Variants in CEP44 observed in about 807,000 individuals in gnomAD.
CEP44 encodes centrosomal protein of 44 kDa.
Under a neutral mutation model 46.7 loss-of-function variants are expected in CEP44, and 45 were observed. The observed-to-expected ratio is 0.96, with a 90% CI of 0.76 to 1.24. The LOEUF is 1.24. Ranked by LOEUF, CEP44 falls within the 50% of genes most tolerant of loss-of-function variation. The pLI, the probability that CEP44 is intolerant of heterozygous loss-of-function variation, is 0.00. For missense variants in CEP44, 475 were observed against 459.7 expected (o/e 1.03, Z -0.30); for synonymous variants, 142 against 146.0 (o/e 0.97, Z 0.20).
rs116152474 is a variant in CEP44, at chr4:174,316,418, G to T, written c.1087-112G>T. 7 of 1,359,628 alleles carry T rather than the reference G, an allele frequency of 5.1e-6. No homozygotes were observed. The African/African-American group carries it at 1.0e-4, about 20-fold the overall frequency. 84.2% of individuals were successfully genotyped at this position (1,359,628 alleles called of 1,614,324 possible). On this transcript the variant is annotated intron_variant, in intron 10 of 11. Coordinates refer to ENST00000503780, the MANE Select transcript of CEP44 (RefSeq NM_001040157.3). ...TTAGTCTCTCAAAATTCTTTCATAAGTAAACAGTACTTAATGCAATGTTTC... is the reference window on the plus strand; with the variant it reads ...TTAGTCTCTCAAAATTCTTTCATAATTAAACAGTACTTAATGCAATGTTTC...
At chr4:174,316,430 T>A in intron 10 of CEP44, 100 bp from the exon 11 acceptor site, 1 of 1,349,566 alleles carries the variant, frequency 7.4e-7, no homozygotes, top group Non-Finnish European at 1.0e-6. Flanking sequence ...AAACAGTACT[T>A]AATGCAATGT....
chr4:174,327,581 T>G (rs528567080), intron 8 of CEP44, among the ~76,000 whole-genome samples: 1 of 152,202 alleles, frequency 6.6e-6, no homozygotes, highest in South Asian at 2.1e-4. Context: ...ATTAAATTTT[T>G]TATAGCAATT....
downstream of CEP44, among the ~76,000 whole-genome samples, chr4:174,325,311 A>C (rs1439645111): frequency 1.3e-5 from 2 of 152,242 alleles, no homozygotes; most frequent in African/African-American, 4.8e-5. This position sits in a 1 kb window ranked among gnomAD's most constrained non-coding sequence, Gnocchi z 4.4. Flanking sequence ...TTTAAGGAGC[A>C]GAAGTTTTAA....
rs1206563182 is a variant in CEP44, at chr4:174,301,732, T to G, written c.90-307T>G. On this transcript the variant is annotated intron_variant, in intron 3 of 11. Transcript: ENST00000503780. The surrounding 1 kb of genome is among the most constrained non-coding windows in gnomAD (Gnocchi z 4.3). ...TTGTAAGATGGTACATTGCTTTTAT[T>G]AGTAGTAGAAAATGGAGTAGATCAC... Among the ~76,000 whole-genome samples the G allele has an allele frequency of 6.6e-6, 1 of 152,156 alleles. No homozygotes were observed. Among genetic ancestry groups the G allele is most frequent in the Admixed American group, 6.5e-5 (1 of 15,284 alleles).
At chr4:174,330,376 C>G (rs1196018224) in intron 8 of CEP44, among the ~76,000 whole-genome samples, 2 of 151,894 alleles carry the variant, frequency 1.3e-5, no homozygotes, top group Admixed American at 1.3e-4. Flanking sequence ...GTAATCCCAG[C>G]TACTAGTGGG....
Position 174,287,083 on chromosome 4 carries a change from G to T in CEP44, c.-148+3140G>T, listed in dbSNP as rs1017150294. On this transcript the variant is annotated intron_variant, in intron 1 of 11. Coordinates refer to ENST00000503780, the MANE Select transcript of CEP44 (RefSeq NM_001040157.3). This position sits in a 1 kb window ranked among gnomAD's most constrained non-coding sequence, Gnocchi z 5.1. ...AGTGCAAAACATCTTGACTGACAAT[G>T]GTGGTGGCTTATTAAAGTGAAGAAT... Among the ~76,000 whole-genome samples, 1 of 152,188 alleles carries T rather than the reference G, an allele frequency of 6.6e-6. No individual in the cohort carries two copies. The highest frequency in any genetic ancestry group is 6.5e-5 in the Admixed American group (1 of 15,288).
In CEP44 at chr4:174,316,694, T is replaced by A. The variant is rs1741763220; in HGVS notation, c.1124+127T>A. 6 of 770,838 alleles carry A rather than the reference T, an allele frequency of 7.8e-6. No individual in the cohort carries two copies. In the Middle Eastern group the frequency reaches 7.4e-4, roughly 94 times the overall value. The allele number at this position is 770,838 out of a possible 1,614,324, so 47.7% of individuals were successfully genotyped here. Reference sequence around the variant, plus strand: ...TCTCTCAATCAGGTGTGGAATTTCCTTCAGGACTCCACTGGATAATAAATC... The same window carrying A: ...TCTCTCAATCAGGTGTGGAATTTCCATCAGGACTCCACTGGATAATAAATC... On this transcript the variant is annotated intron_variant, in intron 11 of 11. Coordinates refer to ENST00000503780, the MANE Select transcript of CEP44 (RefSeq NM_001040157.3).
chr4:174,296,148 C>T (rs959852446), intron 1 of CEP44, among the ~76,000 whole-genome samples: 9 of 152,176 alleles, frequency 5.9e-5, no homozygotes, highest in African/African-American at 2.2e-4. Context: ...TCTAACATTG[C>T]TATTGAAAGT....
chr4:174,333,243 T>C (rs1731396013), exon 9 of CEP44: 1 of 149,836 alleles, frequency 6.7e-6, no homozygotes, highest in African/African-American at 2.5e-5. Flanking sequence ...AATTTTTCTT[T>C]ATATGATTCA....
At chr4:174,330,430 A>G (rs1731257785) in intron 8 of CEP44, among the ~76,000 whole-genome samples, 1 of 151,874 alleles carries the variant, frequency 6.6e-6, no homozygotes, top group African/African-American at 2.4e-5. Flanking sequence ...TGGAGGTTGC[A>G]GTGAGCCGAG....
In CEP44 at chr4:174,287,844, G is replaced by A. The variant is rs1737738958; in HGVS notation, c.-148+3901G>A. Among the ~76,000 whole-genome samples the A allele has an allele frequency of 6.6e-6, 1 of 152,156 alleles. No individual in the cohort carries two copies. Among genetic ancestry groups the A allele is most frequent in the Non-Finnish European group, 1.5e-5 (1 of 68,014 alleles). On this transcript the variant is annotated intron_variant, in intron 1 of 11. Coordinates refer to ENST00000503780, the MANE Select transcript of CEP44 (RefSeq NM_001040157.3). This position sits in a 1 kb window ranked among gnomAD's most constrained non-coding sequence, Gnocchi z 5.1. ...TCATGGTAAGAAAGAAAATGAATTAGGTAGAGCTAGTAATACCAGGTATAG... is the reference window on the plus strand; with the variant it reads ...TCATGGTAAGAAAGAAAATGAATTAAGTAGAGCTAGTAATACCAGGTATAG...
Position 174,309,762 on chromosome 4 carries a change from G to A in CEP44, c.679-88G>A, listed in dbSNP as rs1228429371. On this transcript the variant is annotated intron_variant, in intron 7 of 11. Coordinates refer to ENST00000503780, the MANE Select transcript of CEP44 (RefSeq NM_001040157.3). The surrounding 1 kb of genome is among the most constrained non-coding windows in gnomAD (Gnocchi z 5.3). ...AGCAGGACGGTCTCTCCTAACTGTT[G>A]AGATAACGCTGTGGAAGTGAGAATA... is the stretch of plus-strand genomic sequence containing the variant. 6.7e-6 allele frequency: 6 copies of A among 901,922 alleles called. No homozygotes were observed. Among genetic ancestry groups the A allele is most frequent in the Non-Finnish European group, 1.0e-5 (6 of 590,218 alleles). The allele number at this position is 901,922 out of a possible 1,614,324, so 55.9% of individuals were successfully genotyped here.
rs914256568 is a variant in CEP44 at position 174,314,552 on chromosome 4, G to A, written c.962-1614G>A. Among the ~76,000 whole-genome samples the A allele has an allele frequency of 8.5e-5, 13 of 152,096 alleles. No homozygotes were observed. Among genetic ancestry groups the A allele is most frequent in the Non-Finnish European group, 1.5e-4 (10 of 68,022 alleles). On this transcript the variant is annotated intron_variant, in intron 9 of 11. Coordinates refer to ENST00000503780, the MANE Select transcript of CEP44 (RefSeq NM_001040157.3). This position sits in a 1 kb window ranked among gnomAD's most constrained non-coding sequence, Gnocchi z 4.1. ...ACACTCTTGAATAAGGTTAGACACC[G>A]CAAAGTCTGGACCCCAAAATGGAAG...
At position 174,309,789 on chromosome 4, in the gene CEP44, A is replaced by G. The variant is rs1740859748; in HGVS notation, c.679-61A>G. ...GATAACGCTGTGGAAGTGAGAATAC[A>G]TTAATTTTAAAGAAATTTCAGTTTG... On this transcript the variant is annotated intron_variant, in intron 7 of 11. Coordinates refer to ENST00000503780, the MANE Select transcript of CEP44 (RefSeq NM_001040157.3). The surrounding 1 kb of genome is among the most constrained non-coding windows in gnomAD (Gnocchi z 5.3). 8.6e-7 allele frequency: 1 copy of G among 1,166,116 alleles called. No individual in the cohort carries two copies. Among genetic ancestry groups the G allele is most frequent in the Non-Finnish European group, 1.2e-6 (1 of 810,646 alleles). 72.2% of individuals were successfully genotyped at this position (1,166,116 alleles called of 1,614,324 possible).
chr4:174,304,394 A>G, intron 6 of CEP44, 25 bp downstream of exon 6: 2 of 1,600,310 alleles, frequency 1.2e-6, no homozygotes, highest in Admixed American at 1.8e-5. Context: ...AGAAAATATC[A>G]TATTGTTTAA....
At position 174,295,563 on chromosome 4, in the gene CEP44, G is replaced by A. The variant is rs551509864; in HGVS notation, c.-147-2403G>A. Among the ~76,000 whole-genome samples the A allele has an allele frequency of 1.5e-4, 23 of 149,748 alleles. 1 individual carries two copies. The highest frequency in any genetic ancestry group is 4.3e-4 in the South Asian group (2 of 4,634). On this transcript the variant is annotated intron_variant, in intron 1 of 11. Coordinates refer to ENST00000503780, the MANE Select transcript of CEP44 (RefSeq NM_001040157.3). ...AGACGATGGGCGGCCAGGCAGAGAC[G>A]CTCCTCACTTCCCAGACGGGGTGGC...
At chr4:174,321,608 A>G (rs1459235299), downstream of CEP44, among the ~76,000 whole-genome samples, 1 of 152,116 alleles carries the variant, frequency 6.6e-6, no homozygotes, top group South Asian at 2.1e-4. Flanking sequence ...TATGTTGCCC[A>G]AAGTACAACA....
At chr4:174,299,284 C>A in intron 3 of CEP44, 74 bp downstream of exon 3, 2 of 1,216,116 alleles carry the variant, frequency 1.6e-6, no homozygotes, top group Non-Finnish European at 2.3e-6. Flanking sequence ...TGGGGGACTA[C>A]CTGAGAAAAA....
chr4:174,314,923 T>C lies in CEP44; in HGVS notation c.962-1243T>C, dbSNP rs1314009084. On this transcript the variant is annotated intron_variant, in intron 9 of 11. Transcript: ENST00000503780. The surrounding 1 kb of genome is among the most constrained non-coding windows in gnomAD (Gnocchi z 4.1). ...AAGTGTGATGAGTCAAATTACATTCTCTCTCTTAGCATTTGGAATTAGGAC... is the reference window on the plus strand; with the variant it reads ...AAGTGTGATGAGTCAAATTACATTCCCTCTCTTAGCATTTGGAATTAGGAC... Among the ~76,000 whole-genome samples, 1 of 152,150 alleles carries C rather than the reference T, an allele frequency of 6.6e-6. No homozygotes were observed.
Sources: gnomAD v4.1 joint callset for allele counts (sites outside exome capture counted in the v4.1 genomes callset) on GRCh38, gnomAD v4.1.1 for gene constraint, Gnocchi (gnomAD v3.1) non-coding constraint, MANE v1.5 for transcripts, NCBI Gene and HGNC (gene_info 2026-07-23, HGNC 2026-07-21) for gene names.